CRACD: variants seen among roughly 807,000 people sequenced by gnomAD.
The protein encoded by CRACD is capping protein-inhibiting regulator of actin dynamics.
Under a neutral mutation model 106.8 loss-of-function variants are expected in CRACD, and 56 were observed. That is an observed-to-expected ratio of 0.52 (90% CI 0.42 to 0.66). The LOEUF (loss-of-function observed/expected upper bound fraction) is 0.66, where lower values mean the gene tolerates loss of function less well. Ranked by LOEUF, CRACD falls within the 30% of genes least tolerant of loss-of-function variation. CRACD has a pLI of 0.00. For missense variants in CRACD, 1,730 were observed against 1,623.2 expected (o/e 1.07, Z -1.13); for synonymous variants, 754 against 670.8 (o/e 1.12, Z -1.92).
intron 2 of CRACD, among the ~76,000 whole-genome samples, chr4:56,227,063 G>A (rs1739339828): frequency 6.6e-6 from 1 of 151,954 alleles, no homozygotes; most frequent in African/African-American, 2.4e-5. Context: ...GCCAAATAAA[G>A]CTCCTCTCTT....
intron 2 of CRACD, among the ~76,000 whole-genome samples, chr4:56,238,891 T>C (rs1470751100): frequency 3.9e-5 from 6 of 152,174 alleles, no homozygotes; most frequent in African/African-American, 1.4e-4. Context: ...AAATTTGTAG[T>C]TAGAGTTTTA....
At chr4:56,107,729 C>G (rs1379024286) in intron 1 of CRACD, among the ~76,000 whole-genome samples, 2 of 152,142 alleles carry the variant, frequency 1.3e-5, no homozygotes, top group Non-Finnish European at 2.9e-5. Flanking sequence ...GTTGTCCTGG[C>G]TGAGATGGGC....
At chr4:56,284,146 C>G (rs1658002022) in intron 3 of CRACD, among the ~76,000 whole-genome samples, 2 of 151,978 alleles carry the variant, frequency 1.3e-5, no homozygotes, top group Non-Finnish European at 2.9e-5. Context: ...CAGTAGTAAT[C>G]ATTTTCTTAT....
intron 2 of CRACD, among the ~76,000 whole-genome samples, chr4:56,188,686 T>A (rs13112909): frequency 0.39 from 35,189 of 91,338 alleles, 7,809 homozygotes; most frequent in East Asian, 0.66. Context: ...TCTCTCTCTC[T>A]CACACACACA....
At chr4:56,285,376 G>T (rs957302850) in intron 3 of CRACD, among the ~76,000 whole-genome samples, 2 of 152,180 alleles carry the variant, frequency 1.3e-5, no homozygotes, top group Non-Finnish European at 2.9e-5. Flanking sequence ...CCCAGTGATG[G>T]TATTTGAGGA....
intron 1 of CRACD, among the ~76,000 whole-genome samples, chr4:56,096,699 G>A (rs898861082): frequency 2.0e-5 from 3 of 152,108 alleles, no homozygotes; most frequent in African/African-American, 7.2e-5. Context: ...AGTGTGATGA[G>A]GACTGAGAAG....
rs1743758405 is a variant in CRACD at position 56,292,559 on chromosome 4, C to G, written c.-16-5655C>G. On this transcript the variant is annotated intron_variant, in intron 3 of 10. Transcript: ENST00000682029. ...TTTTTTTTTGAGACAGAGTCTTGCTCTGTCGCCCAGGCTGGAGTGCAGTGG... is the reference window on the plus strand; with the variant it reads ...TTTTTTTTTGAGACAGAGTCTTGCTGTGTCGCCCAGGCTGGAGTGCAGTGG... Among the ~76,000 whole-genome samples the G allele has an allele frequency of 2.6e-5, 4 of 151,832 alleles. No individual in the cohort carries two copies. In the South Asian group the frequency reaches 6.2e-4, roughly 24 times the overall value.
chr4:56,287,341 G>C (rs1448175132), intron 3 of CRACD, among the ~76,000 whole-genome samples: 2 of 151,804 alleles, frequency 1.3e-5, no homozygotes, highest in South Asian at 2.1e-4. Flanking sequence ...GGAGTGCAGT[G>C]GCATGATTTT....
At chr4:56,145,378 C>A (rs1463611719) in intron 1 of CRACD, among the ~76,000 whole-genome samples, 1 of 152,026 alleles carries the variant, frequency 6.6e-6, no homozygotes, top group Non-Finnish European at 1.5e-5. Flanking sequence ...TCTTTTAGGA[C>A]TTTTTAGAGT....
chr4:56,127,860 G>A (rs1443760022), intron 1 of CRACD, among the ~76,000 whole-genome samples: 3 of 152,122 alleles, frequency 2.0e-5, no homozygotes, highest in South Asian at 2.1e-4. Flanking sequence ...ATTAAATCTC[G>A]GCCTTGCTCC....
At chr4:56,309,587 C>T (rs1744989475) in intron 5 of CRACD, among the ~76,000 whole-genome samples, 1 of 152,144 alleles carries the variant, frequency 6.6e-6, no homozygotes, top group Non-Finnish European at 1.5e-5. Flanking sequence ...GGCGTGGTGG[C>T]TCATGCCTGT....
intron 1 of CRACD, among the ~76,000 whole-genome samples, chr4:56,076,893 T>C (rs1732858473): frequency 6.6e-6 from 1 of 152,234 alleles, no homozygotes; most frequent in Non-Finnish European, 1.5e-5. Flanking sequence ...ATCATATAGC[T>C]AATAACTTGA....
chr4:56,073,642 A>G (rs1732738635), intron 1 of CRACD, among the ~76,000 whole-genome samples: 1 of 152,092 alleles, frequency 6.6e-6, no homozygotes, highest in South Asian at 2.1e-4. Context: ...ATTTTCTCCC[A>G]TTCTGTAGGT....
At chr4:56,144,803 G>A (rs1464442661) in intron 1 of CRACD, among the ~76,000 whole-genome samples, 1 of 152,016 alleles carries the variant, frequency 6.6e-6, no homozygotes, top group African/African-American at 2.4e-5. Context: ...ACAGGCACTG[G>A]CCACCATGCC....
At chr4:56,209,142 C>T (rs1738276018) in intron 2 of CRACD, among the ~76,000 whole-genome samples, 1 of 152,194 alleles carries the variant, frequency 6.6e-6, no homozygotes, top group African/African-American at 2.4e-5. Flanking sequence ...TATAAACAAA[C>T]TCATTCAATG....
chr4:56,120,501 C>T (rs902539978), intron 1 of CRACD, among the ~76,000 whole-genome samples: 12 of 152,270 alleles, frequency 7.9e-5, no homozygotes, highest in African/African-American at 2.4e-4. Context: ...TCTATTATGA[C>T]GCAGCCAACC....
chr4:56,330,532 T>C lies in CRACD; in HGVS notation c.*2728T>C, dbSNP rs1746745242. On this transcript the variant is annotated 3_prime_UTR_variant, in exon 11 of 11. Coordinates refer to ENST00000682029, the MANE Select transcript of CRACD (RefSeq NM_001393381.1). The stretch of plus-strand genomic sequence containing the variant: ...GTGTGATTTTAATATAATTTGCATA[T>C]TTTAGTTGTATAAAGTTTTAATGTA... Among the ~76,000 whole-genome samples the C allele has an allele frequency of 6.6e-6, 1 of 152,198 alleles. No individual in the cohort carries two copies. The highest frequency in any genetic ancestry group is 1.5e-5 in the Non-Finnish European group (1 of 68,034).
chr4:56,067,816 TC>T (rs1732512852), intron 1 of CRACD, among the ~76,000 whole-genome samples: 1 of 152,214 alleles, frequency 6.6e-6, no homozygotes, highest in South Asian at 2.1e-4. Context: ...CCTCAGATGA[TC>T]CACCTGCCTC....
At chr4:56,077,670 G>T (rs1338096472) in intron 1 of CRACD, among the ~76,000 whole-genome samples, 5 of 152,172 alleles carry the variant, frequency 3.3e-5, no homozygotes, top group Non-Finnish European at 7.3e-5. Flanking sequence ...TGTTCACCAT[G>T]ATCATAATTG....
Sources: allele counts gnomAD v4.1 joint callset (sites outside exome capture counted in the v4.1 genomes callset), GRCh38; gene constraint gnomAD v4.1.1; transcripts MANE v1.5; gene names NCBI Gene and HGNC (gene_info 2026-07-23, HGNC 2026-07-21).